RP1: variants seen among roughly 807,000 people sequenced by gnomAD.
RP1 encodes oxygen-regulated protein 1.
RP1 carries 16 observed loss-of-function variants against 14.8 expected under a neutral mutation model. The observed-to-expected ratio is 1.08, with a 90% CI of 0.73 to 1.65. The LOEUF (loss-of-function observed/expected upper bound fraction) is 1.65, where lower values mean the gene tolerates loss of function less well. Among genes scored for constraint, RP1 ranks in the 40% most tolerant of loss-of-function variants. RP1 has a pLI of 0.00. For missense variants in RP1, 2,631 were observed against 2,535.0 expected (o/e 1.04, Z -0.81); for synonymous variants, 876 against 883.6 (o/e 0.99, Z 0.15).
intron 25 of RP1, among the ~76,000 whole-genome samples, chr8:54,848,095 C>T (rs1487397107): frequency 6.6e-6 from 1 of 152,170 alleles, no homozygotes; most frequent in Admixed American, 6.5e-5. Context: ...GTCCCTTCTC[C>T]CTCCTGTTGC....
intron 24 of RP1, among the ~76,000 whole-genome samples, chr8:54,784,897 C>A (rs901049675): frequency 1.3e-5 from 2 of 151,900 alleles, no homozygotes; most frequent in African/African-American, 4.8e-5. Context: ...CATATCATAA[C>A]ATTCATTCAT....
intron 1 of RP1, among the ~76,000 whole-genome samples, chr8:54,601,823 C>T (rs1200025095): frequency 6.6e-6 from 1 of 152,086 alleles, no homozygotes; most frequent in African/African-American, 2.4e-5. Context: ...TGAAAAAAGC[C>T]AGCCATAAAA....
At chr8:54,600,161 A>T (rs1055493038) in intron 1 of RP1, among the ~76,000 whole-genome samples, 3 of 152,254 alleles carry the variant, frequency 2.0e-5, no homozygotes, top group Middle Eastern at 3.4e-3. Flanking sequence ...TGTCTTTCCC[A>T]TGCTGTTCTC....
intron 5 of RP1, among the ~76,000 whole-genome samples, chr8:54,653,158 C>A (rs1222050610): frequency 6.6e-6 from 1 of 152,174 alleles, no homozygotes; most frequent in Non-Finnish European, 1.5e-5. Flanking sequence ...AAAAAGATGA[C>A]TAGCTGTATG....
downstream of RP1, among the ~76,000 whole-genome samples, chr8:54,773,892 A>G (rs1023697630): frequency 6.6e-6 from 1 of 152,184 alleles, no homozygotes; most frequent in Non-Finnish European, 1.5e-5. Flanking sequence ...TTGCAGTATG[A>G]TCATTAACAA....
chr8:54,763,707 A>G (rs543943314), intron 22 of RP1, among the ~76,000 whole-genome samples: 1 of 152,142 alleles, frequency 6.6e-6, no homozygotes, highest in East Asian at 1.9e-4. Flanking sequence ...AACAAAACGA[A>G]TCTAACTTGA....
At chr8:54,849,025 G>C (rs190749313) in intron 25 of RP1, among the ~76,000 whole-genome samples, 2 of 152,170 alleles carry the variant, frequency 1.3e-5, no homozygotes, top group South Asian at 2.1e-4. Flanking sequence ...CCGGGATTAC[G>C]GGTGTGAGCT....
chr8:54,866,844 C>A (rs935955814), intron 28 of RP1, among the ~76,000 whole-genome samples: 1 of 152,152 alleles, frequency 6.6e-6, no homozygotes, highest in African/African-American at 2.4e-5. Flanking sequence ...GGTGCTATGT[C>A]TATGTGATTG....
chr8:54,843,155 C>A (rs1469341846), intron 25 of RP1, among the ~76,000 whole-genome samples: 1 of 152,176 alleles, frequency 6.6e-6, no homozygotes, highest in African/African-American at 2.4e-5. Flanking sequence ...CCTGCCTCAA[C>A]CTCCTGAGTA....
rs537072267 is a variant in RP1 at position 54,690,474 on chromosome 8, T to C, written c.1718-8993T>C. On this transcript the variant is annotated intron_variant, in intron 12 of 22. Transcript: ENST00000636932. ...AGCAGAGTTTGAAAGACCTCCTTTG[T>C]TTTAGATTGGAAATGGATGTGCTCT... 2.6e-5 allele frequency among the ~76,000 whole-genome samples: 4 copies of C among 152,160 alleles called. No individual in the cohort carries two copies. The South Asian group carries it at 8.3e-4, about 32-fold the overall frequency.
intron 26 of RP1, among the ~76,000 whole-genome samples, chr8:54,854,882 A>G (rs962529791): frequency 3.9e-5 from 6 of 152,190 alleles, no homozygotes; most frequent in Non-Finnish European, 5.9e-5. Context: ...AAATGAATAA[A>G]TAAAATTAAT....
At chr8:54,777,407 A>C (rs773474351) in intron 23 of RP1, among the ~76,000 whole-genome samples, 19 of 152,190 alleles carry the variant, frequency 1.2e-4, no homozygotes, top group Admixed American at 6.5e-5. Flanking sequence ...ATCAAGATAA[A>C]ATAGGTAACA....
At chr8:54,722,599 C>T (rs1808563578) in intron 16 of RP1, among the ~76,000 whole-genome samples, 1 of 152,124 alleles carries the variant, frequency 6.6e-6, no homozygotes, top group Non-Finnish European at 1.5e-5. Flanking sequence ...AAAAAGTTCA[C>T]TCCCCAAAAC....
intron 3 of RP1, among the ~76,000 whole-genome samples, chr8:54,642,809 T>C (rs1431946918): frequency 2.0e-5 from 3 of 152,110 alleles, no homozygotes; most frequent in Non-Finnish European, 4.4e-5. Flanking sequence ...TCAATAAAGG[T>C]ATGTGAAACT....
chr8:54,640,095 A>G (rs1021244332), intron 3 of RP1, among the ~76,000 whole-genome samples: 30 of 144,774 alleles, frequency 2.1e-4, no homozygotes, highest in African/African-American at 7.4e-4. Flanking sequence ...CTTTGGGTCT[A>G]TTTGTCCCAT....
At chr8:54,641,237 G>A (rs929942052) in intron 3 of RP1, among the ~76,000 whole-genome samples, 1 of 152,012 alleles carries the variant, frequency 6.6e-6, no homozygotes, top group Non-Finnish European at 1.5e-5. Flanking sequence ...GAGCCACTGC[G>A]TCCGGCCATA....
chr8:54,739,247 G>A (rs975028919), intron 19 of RP1, among the ~76,000 whole-genome samples: 1 of 152,058 alleles, frequency 6.6e-6, no homozygotes, highest in Non-Finnish European at 1.5e-5. Context: ...ACTTACTATG[G>A]TTTGACTTAA....
intron 5 of RP1, among the ~76,000 whole-genome samples, chr8:54,654,181 A>G (rs1010029799): frequency 6.6e-6 from 1 of 152,234 alleles, no homozygotes; most frequent in African/African-American, 2.4e-5. Context: ...CCATTTTGCC[A>G]AATTAGATAT....
chr8:54,759,344 A>T (rs1156279678), intron 22 of RP1, among the ~76,000 whole-genome samples: 1 of 152,202 alleles, frequency 6.6e-6, no homozygotes, highest in African/African-American at 2.4e-5. Flanking sequence ...TAATACTGGA[A>T]ATTATTACAT....
Sources: gnomAD v4.1 joint callset for allele counts (sites outside exome capture counted in the v4.1 genomes callset) on GRCh38, gnomAD v4.1.1 for gene constraint, MANE v1.5 for transcripts, NCBI Gene and HGNC (gene_info 2026-07-23, HGNC 2026-07-21) for gene names.